COL14A1: variants seen among roughly 807,000 people sequenced by gnomAD.
The protein encoded by COL14A1 is collagen type XIV alpha 1 chain, also known as collagen alpha-1(XIV) chain.
COL14A1 carries 136 observed loss-of-function variants against 230.3 expected under a neutral mutation model. The observed-to-expected ratio is 0.59, with a 90% CI of 0.51 to 0.68. COL14A1 has a LOEUF of 0.68. Among genes scored for constraint, COL14A1 ranks in the 30% least tolerant of loss-of-function variants. COL14A1 has a pLI of 0.00. For synonymous variants in COL14A1, 792 were observed against 784.1 expected (o/e 1.01, Z -0.17); for missense variants, 1,976 against 2,215.8 (o/e 0.89, Z 2.17).
intron 37 of COL14A1, 124 bp from the exon 38 acceptor site, chr8:120,313,804 CTGAG>C (rs1372308941): frequency 1.2e-5 from 7 of 594,104 alleles, no homozygotes; most frequent in African/African-American, 7.5e-5. Flanking sequence ...TCTTGCTATC[CTGAG>C]TATTTCCTAT....
At chr8:120,254,375 T>C (rs967007325) in intron 22 of COL14A1, among the ~76,000 whole-genome samples, 2 of 152,154 alleles carry the variant, frequency 1.3e-5, no homozygotes, top group Non-Finnish European at 2.9e-5. Context: ...GTTATCTCTG[T>C]AAAATCTTTT....
chr8:120,156,365 C>T (rs1290258011), intron 2 of COL14A1, among the ~76,000 whole-genome samples: 2 of 152,144 alleles, frequency 1.3e-5, no homozygotes, highest in Non-Finnish European at 2.9e-5. Flanking sequence ...GATGGGGTTT[C>T]ACCGTGTTGG....
Position 120,278,443 on chromosome 8 carries a change from A to G in COL14A1, c.3346A>G (p.Ile1116Val), listed in dbSNP as rs754151766. 5.6e-6 allele frequency: 9 copies of G among 1,610,152 alleles called. No individual in the cohort carries two copies. Among genetic ancestry groups the G allele is most frequent in the Admixed American group, 1.7e-5 (1 of 59,234 alleles). Reference protein sequence around the residue: ...KGGNTKTGKAIKYVRDTLFTA... With the variant: ...KGGNTKTGKAVKYVRDTLFTA... Reference sequence around the variant, plus strand: ...GCCTTTCTTTGTTTCAGGAAAAGCAATTAAGTATGTTCGAGATACCTTGTT... The same window carrying G: ...GCCTTTCTTTGTTTCAGGAAAAGCAGTTAAGTATGTTCGAGATACCTTGTT... Residue 1116 changes from isoleucine (I) to valine (V), a missense_variant, in exon 28 of 48, where the codon ATT becomes GTT. This residue lies in a region of COL14A1 where 1,791 missense variants were observed against 2,019.5 expected (regional missense o/e 0.89). Coordinates refer to ENST00000297848, the MANE Select transcript of COL14A1 (RefSeq NM_021110.4).
At chr8:120,225,783 A>G (rs1251118279) in intron 15 of COL14A1, among the ~76,000 whole-genome samples, 5 of 152,130 alleles carry the variant, frequency 3.3e-5, no homozygotes, top group African/African-American at 2.4e-5. Context: ...CAACAATTCT[A>G]TTATTTGCTT....
intron 36 of COL14A1, among the ~76,000 whole-genome samples, chr8:120,309,401 C>A (rs1274501774): frequency 6.6e-6 from 1 of 151,896 alleles, no homozygotes; most frequent in East Asian, 1.9e-4. Context: ...TGTGTTTAGA[C>A]ACATATGAAC....
chr8:120,331,299 G>C (rs1821855157), intron 40 of COL14A1, among the ~76,000 whole-genome samples: 1 of 152,040 alleles, frequency 6.6e-6, no homozygotes, highest in South Asian at 2.1e-4. Flanking sequence ...TGAAAATTAA[G>C]TTTCTCCCTA....
At chr8:120,327,181 G>A (rs1236768212) in intron 40 of COL14A1, among the ~76,000 whole-genome samples, 1 of 152,148 alleles carries the variant, frequency 6.6e-6, no homozygotes, top group African/African-American at 2.4e-5. Flanking sequence ...TGCTGTTGGT[G>A]CCCTGATTGG....
chr8:120,318,676 C>G (rs1275602858), intron 40 of COL14A1, among the ~76,000 whole-genome samples: 1 of 152,050 alleles, frequency 6.6e-6, no homozygotes, highest in Non-Finnish European at 1.5e-5. Flanking sequence ...ATAGAGTAAG[C>G]ACAAACACCT....
intron 24 of COL14A1, among the ~76,000 whole-genome samples, 159 bp downstream of exon 24, chr8:120,263,173 G>T (rs1372447722): frequency 6.6e-6 from 1 of 152,124 alleles, no homozygotes; most frequent in Admixed American, 6.6e-5. Context: ...AGAATTCATT[G>T]CATATGGCCC....
intron 23 of COL14A1, among the ~76,000 whole-genome samples, chr8:120,261,726 G>T (rs569686938): frequency 6.6e-6 from 1 of 152,268 alleles, no homozygotes; most frequent in African/African-American, 2.4e-5. Flanking sequence ...GATAAAAAAA[G>T]AACCAGAAAT....
intron 20 of COL14A1, among the ~76,000 whole-genome samples, chr8:120,245,992 G>A (rs569246608): frequency 6.6e-6 from 1 of 152,192 alleles, no homozygotes; most frequent in African/African-American, 2.4e-5. Flanking sequence ...ATGGAAGGAG[G>A]GTTGAAAACT....
chr8:120,282,292 G>A (rs1820061981), intron 31 of COL14A1, among the ~76,000 whole-genome samples: 1 of 152,200 alleles, frequency 6.6e-6, no homozygotes, highest in Admixed American at 6.5e-5. Flanking sequence ...GATGGTGTCT[G>A]TCCACATTGA....
intron 24 of COL14A1, among the ~76,000 whole-genome samples, chr8:120,266,204 C>G (rs1363571386): frequency 6.6e-6 from 1 of 152,070 alleles, no homozygotes; most frequent in Non-Finnish European, 1.5e-5. Flanking sequence ...TCTGATCTAA[C>G]TGTCCCCAGA....
At chr8:120,277,117 C>T (rs1196210759) in intron 26 of COL14A1, among the ~76,000 whole-genome samples, 2 of 152,086 alleles carry the variant, frequency 1.3e-5, no homozygotes, top group East Asian at 3.9e-4. Flanking sequence ...GTTGTAAGAA[C>T]TGAAGCCAGA....
chr8:120,208,393 T>A (rs1817515451), intron 11 of COL14A1, 32 bp downstream of exon 11: 1 of 1,602,642 alleles, frequency 6.2e-7, no homozygotes. Flanking sequence ...ACTTCTAACT[T>A]TGTAGAGTGC....
chr8:120,212,049 C>A (rs999284363), intron 12 of COL14A1, among the ~76,000 whole-genome samples: 5 of 152,212 alleles, frequency 3.3e-5, no homozygotes, highest in Admixed American at 2.0e-4. Context: ...TTAGTATTAG[C>A]CAAATACTGA....
intron 5 of COL14A1, 85 bp from the exon 6 acceptor site, chr8:120,196,706 A>G: frequency 1.5e-6 from 2 of 1,342,692 alleles, no homozygotes; most frequent in Non-Finnish European, 2.0e-6. Context: ...TCTTAGCACT[A>G]AGTTGTCTAA....
rs763609530 is a variant in COL14A1 at position 120,212,516 on chromosome 8, C to G, written c.1536C>G (p.Val512=). Residue 512 remains valine (V), a synonymous_variant, in exon 13 of 48, where the codon GTC becomes GTG. Transcript: ENST00000297848. Reference sequence around the variant, plus strand: ...TGTTGCCCAATACAGAATACACAGTCACAGTTTATGCCATGTTTGGAGAAG... The same window carrying G: ...TGTTGCCCAATACAGAATACACAGTGACAGTTTATGCCATGTTTGGAGAAG... The part of the protein sequence containing the change: ...SGLLPNTEYT[V]TVYAMFGEEA... The G allele has an allele frequency of 6.2e-7, 1 of 1,613,578 alleles. No homozygotes were observed. The highest frequency in any genetic ancestry group is 1.1e-5 in the South Asian group (1 of 91,062).
intron 9 of COL14A1, among the ~76,000 whole-genome samples, chr8:120,204,415 G>A (rs1381317809): frequency 6.6e-6 from 1 of 152,122 alleles, no homozygotes; most frequent in Non-Finnish European, 1.5e-5. Context: ...GTGAATGGAG[G>A]TATGTGGTAT....
Sources: allele counts gnomAD v4.1 joint callset (sites outside exome capture counted in the v4.1 genomes callset), GRCh38; gene constraint gnomAD v4.1.1; regional missense constraint gnomAD v4.1.1; transcripts MANE v1.5; gene names NCBI Gene and HGNC (gene_info 2026-07-23, HGNC 2026-07-21).